The following NECAB2 variants were observed in gnomAD, a reference collection of about 807,000 sequenced individuals.
The protein encoded by NECAB2 is N-terminal EF-hand calcium-binding protein 2.
A neutral mutation model predicts 51.9 loss-of-function variants in NECAB2; 68 were observed. That is an observed-to-expected ratio of 1.31 (90% confidence interval 1.08 to 1.60). The LOEUF is 1.60. Ranked by LOEUF, NECAB2 falls within the 40% of genes most tolerant of loss-of-function variation. The pLI is 0.00. For missense variants in NECAB2, 854 were observed against 490.3 expected, an observed-to-expected ratio of 1.74 and a Z score of -7.00; for synonymous variants, 329 against 203.5, an observed-to-expected ratio of 1.62 and a Z score of -5.25.
At chr16:83,994,515 T>A (rs2084669752) in intron 7 of NECAB2, 94 bp from the exon 8 acceptor site, 1 of 1,597,122 alleles carries the variant, frequency 6.3e-7, no homozygotes. Flanking sequence ...TGAGCAAGTT[T>A]GATGCCCCTG....
Position 83,997,217 on chromosome 16 carries a change from C to T in NECAB2, c.797C>T (p.Ala266Val), listed in dbSNP as rs529644374. 8.1e-6 allele frequency: 13 copies of T among 1,614,154 alleles called. No individual in the cohort carries two copies. Among genetic ancestry groups the T allele is most frequent in the East Asian group, 2.2e-5 (1 of 44,872 alleles). ...AELIGRLESK[A>V]LWFDLQQRLS... Reference sequence around the variant, plus strand: ...TCACTGTGTGCTGGATTGTTTCAGGCACTGTGGTTCGACCTGCAGCAGCGC... The same window carrying T: ...TCACTGTGTGCTGGATTGTTTCAGGTACTGTGGTTCGACCTGCAGCAGCGC... Residue 266 changes from alanine to valine, a missense_variant and splice_region_variant, in exon 9 of 13, where the codon GCA becomes GTA. Physicochemically the swap from Ala to Val is moderately conservative, Grantham distance 64. Transcript: ENST00000305202.
At chr16:83,999,540 C>A (rs1030394341) in intron 10 of NECAB2, among the ~76,000 whole-genome samples, 1 of 152,104 alleles carries the variant, frequency 6.6e-6, no homozygotes, top group Non-Finnish European at 1.5e-5. Flanking sequence ...GGAATCCAGC[C>A]CGGCCCCTTC....
In NECAB2 at chr16:83,994,663, A is replaced by T; in HGVS notation, c.770A>T (p.Glu257Val). 1 of 1,614,132 alleles carries T rather than the reference A, an allele frequency of 6.2e-7. No homozygotes were observed. The highest frequency in any genetic ancestry group is 8.5e-7 in the Non-Finnish European group (1 of 1,180,026). Residue 257 changes from glutamate (E) to valine (V), a missense_variant, in exon 8 of 13, where the codon GAG becomes GTG. Coordinates refer to ENST00000305202, the MANE Select transcript of NECAB2 (RefSeq NM_019065.3). Reference sequence around the variant, plus strand: ...GAAGCCCAGATCAGCCGCTTGGCAGAGCTGATTGGGAGGCTGGAGAGCAAA... The same window carrying T: ...GAAGCCCAGATCAGCCGCTTGGCAGTGCTGATTGGGAGGCTGGAGAGCAAA... ...GLEAQISRLA[E>V]LIGRLESKAL...
chr16:84,002,254 A>C (rs1597236112), intron 12 of NECAB2, 64 bp from the exon 13 acceptor site: 17 of 1,578,822 alleles, frequency 1.1e-5, no homozygotes, highest in East Asian at 2.2e-5. Flanking sequence ...CAAGACGACC[A>C]CCACCAGCTA....
chr16:83,993,972 C>T (rs969189838), intron 6 of NECAB2, among the ~76,000 whole-genome samples: 1 of 152,122 alleles, frequency 6.6e-6, no homozygotes. Context: ...CTACACGTGC[C>T]CGAAAGCTTC....
Position 83,971,095 on chromosome 16 carries a change from A to G in NECAB2, c.202-1056A>G, listed in dbSNP as rs1162863287. Among the ~76,000 whole-genome samples, 4 of 100,356 alleles carry G rather than the reference A, an allele frequency of 4.0e-5. No individual in the cohort carries two copies. In the East Asian group the frequency reaches 8.8e-4, roughly 22 times the overall value. The allele number at this position is 100,356 out of a possible 152,430, so 65.8% of individuals were successfully genotyped here. On this transcript the variant is annotated intron_variant, in intron 1 of 12. Transcript: ENST00000305202. ...GGTGACAGAGCGAGACCCCATCTCA[A>G]AAAAAAAAAAAATAGTGCTGGTGAA...
chr16:83,988,951 C>T (rs2084588231), intron 5 of NECAB2, among the ~76,000 whole-genome samples: 1 of 152,146 alleles, frequency 6.6e-6, no homozygotes, highest in Admixed American at 6.5e-5. Context: ...GAGGAGAAAT[C>T]AGGAAAAGCT....
chr16:83,979,361 A>G (rs1362385558), intron 3 of NECAB2, among the ~76,000 whole-genome samples: 1 of 152,166 alleles, frequency 6.6e-6, no homozygotes, highest in African/African-American at 2.4e-5. Flanking sequence ...GATGGTCTGG[A>G]CAAGGAGCTA....
chr16:83,974,037 C>T (rs956842854), intron 2 of NECAB2, among the ~76,000 whole-genome samples: 3 of 151,818 alleles, frequency 2.0e-5, no homozygotes, highest in Non-Finnish European at 4.4e-5. Flanking sequence ...GCCATGTGTC[C>T]ACCCCCTGAG....
Position 83,981,082 on chromosome 16 carries a change from G to T in NECAB2, c.414G>T (p.Glu138Asp). The change falls in exon 5 of 13, where the codon GAG (glutamate) becomes GAT (aspartate). Residue 138 changes from glutamate (E) to aspartate (D), a missense_variant. Transcript: ENST00000305202. ...GDYEDVLASLETLNHSVLKAM... is the reference protein window; with the variant it reads ...GDYEDVLASLDTLNHSVLKAM... The stretch of plus-strand genomic sequence containing the variant: ...ATGAGGATGTCCTGGCCTCCCTGGA[G>T]ACCTTGAATCACTCTGTCCTGAAGG... 1 of 1,614,202 alleles carries T rather than the reference G, an allele frequency of 6.2e-7. No homozygotes were observed. The highest frequency in any genetic ancestry group is 1.1e-5 in the South Asian group (1 of 91,092).
At chr16:83,997,415 G>C (rs1308623171) in intron 9 of NECAB2, 146 bp downstream of exon 9, 8 of 853,988 alleles carry the variant, frequency 9.4e-6, no homozygotes, top group Non-Finnish European at 8.6e-6. Flanking sequence ...TTGGCACCCA[G>C]ACCCTGCCCT....
chr16:84,002,740 C>A lies in NECAB2; in HGVS notation c.*394C>A. On this transcript the variant is annotated 3_prime_UTR_variant, in exon 13 of 13. Coordinates refer to ENST00000305202, the MANE Select transcript of NECAB2 (RefSeq NM_019065.3). ...GCCCAACCTAGCCAGGTAGCCACCA[C>A]TGTGCCCAGGCGCCAAATAAACCCT... 4.3e-6 allele frequency: 1 copy of A among 232,652 alleles called. No homozygotes were observed. The allele number at this position is 232,652 out of a possible 1,614,324, so 14.4% of individuals were successfully genotyped here. A position where few individuals can be genotyped will look rare whatever the true frequency, so the allele number is the denominator to read the frequency against.
intron 6 of NECAB2, among the ~76,000 whole-genome samples, chr16:83,992,092 T>A (rs2084632873): frequency 6.6e-6 from 1 of 151,776 alleles, no homozygotes; most frequent in Non-Finnish European, 1.5e-5. Flanking sequence ...ATCCTGAGGC[T>A]TGCCACCTCT....
chr16:83,993,275 T>G (rs970769821), intron 6 of NECAB2: 2 of 152,202 alleles, frequency 1.3e-5, no homozygotes, highest in African/African-American at 4.8e-5. Flanking sequence ...ATACATTTAA[T>G]TTCCTGCTGG....
At chr16:84,000,122 C>T (rs1036753106) in intron 10 of NECAB2, among the ~76,000 whole-genome samples, 9 of 152,082 alleles carry the variant, frequency 5.9e-5, no homozygotes, top group Middle Eastern at 3.4e-3. Context: ...GAACTCCTGA[C>T]CTCACGTAAT....
chr16:83,976,242 A>G (rs775734226), intron 2 of NECAB2, among the ~76,000 whole-genome samples: 1 of 152,174 alleles, frequency 6.6e-6, no homozygotes, highest in African/African-American at 2.4e-5. Flanking sequence ...CGATGTCGCC[A>G]CAAGATCCTA....
At chr16:84,001,488 T>TA (rs1391288457) in intron 11 of NECAB2, among the ~76,000 whole-genome samples, 2 of 152,096 alleles carry the variant, frequency 1.3e-5, no homozygotes, top group African/African-American at 4.8e-5. Flanking sequence ...AACGAGGGAC[T>TA]AAAAGCCTTC....
intron 2 of NECAB2, among the ~76,000 whole-genome samples, chr16:83,976,539 A>C (rs8053461): frequency 0.3 from 45,723 of 152,050 alleles, 12,078 homozygotes; most frequent in African/African-American, 0.72. Flanking sequence ...CACAGAAAGC[A>C]ACAACTTCGA....
chr16:83,978,415 A>C (rs2151087877), intron 2 of NECAB2, 29 bp from the exon 3 acceptor site: 1 of 1,593,180 alleles, frequency 6.3e-7, no homozygotes, highest in East Asian at 2.2e-5. Context: ...TGCAGACACC[A>C]GCTCCTTTCT....
Sources: gnomAD v4.1 joint callset for allele counts (sites outside exome capture counted in the v4.1 genomes callset) on GRCh38, gnomAD v4.1.1 for gene constraint, MANE v1.5 for transcripts, NCBI Gene and HGNC (gene_info 2026-07-23, HGNC 2026-07-21) for gene names.